Variants in PDE1C observed in about 807,000 individuals in gnomAD.
PDE1C encodes dual specificity calcium/calmodulin-dependent 3',5'-cyclic nucleotide phosphodiesterase 1C.
In PDE1C, 62 loss-of-function variants were observed where a neutral mutation model predicts 93.1. The ratio of observed to expected loss-of-function variants is 0.67; its 90% confidence interval spans 0.54 to 0.82. The LOEUF is 0.82. Among genes scored for constraint, PDE1C ranks in the 40% least tolerant of loss-of-function variants. The pLI is 0.00. For synonymous variants in PDE1C, 325 were observed against 310.1 expected (o/e 1.05, Z -0.50); for missense variants, 742 against 884.6 (o/e 0.84, Z 2.04).
chr7:31,958,863 C>T (rs912959638), intron 2 of PDE1C, among the ~76,000 whole-genome samples: 1 of 152,182 alleles, frequency 6.6e-6, no homozygotes, highest in Non-Finnish European at 1.5e-5. Flanking sequence ...GAAGTGTATA[C>T]TATACAGATA....
intron 1 of PDE1C, among the ~76,000 whole-genome samples, chr7:32,307,636 G>C (rs943870859): frequency 6.6e-6 from 1 of 152,132 alleles, no homozygotes; most frequent in African/African-American, 2.4e-5. Flanking sequence ...CTGAGGTCAT[G>C]ATCTGTCGCC....
intron 16 of PDE1C, among the ~76,000 whole-genome samples, chr7:31,775,939 T>A (rs1584023927): frequency 6.6e-6 from 1 of 152,138 alleles, no homozygotes; most frequent in African/African-American, 2.4e-5. Flanking sequence ...CAGTACGCAG[T>A]TCCTCTGGCT....
chr7:31,867,341 C>T (rs1474661573), intron 6 of PDE1C, among the ~76,000 whole-genome samples: 1 of 152,150 alleles, frequency 6.6e-6, no homozygotes, highest in African/African-American at 2.4e-5. Context: ...ACAATACCCT[C>T]CACAGTAGCA....
intron 1 of PDE1C, among the ~76,000 whole-genome samples, chr7:32,310,008 G>C (rs187600770): frequency 0.02 from 3,094 of 152,228 alleles, 70 homozygotes; most frequent in African/African-American, 0.051. Flanking sequence ...GGAAACCCAT[G>C]TCATGTGCAG....
In PDE1C at chr7:32,239,980, C is replaced by T. The variant is rs540753798; in HGVS notation, c.86-30441G>A. On this transcript the variant is annotated intron_variant, in intron 1 of 18. Transcript: ENST00000396193. ...TTTGTCACAATCTCTCAGTGACTGA[C>T]AACAATGCTGTCAGCCTGGATCCTG... Among the ~76,000 whole-genome samples, 6 of 152,336 alleles carry T rather than the reference C, an allele frequency of 3.9e-5. No individual in the cohort carries two copies. The South Asian group carries it at 1.2e-3, about 32-fold the overall frequency.
intron 3 of PDE1C, among the ~76,000 whole-genome samples, chr7:32,116,842 T>A (rs1375607598): frequency 1.3e-5 from 2 of 152,196 alleles, no homozygotes; most frequent in Non-Finnish European, 2.9e-5. Flanking sequence ...TCCCTTATAA[T>A]CACATGGTCA....
intron 3 of PDE1C, among the ~76,000 whole-genome samples, chr7:32,098,630 T>C (rs2128749099): frequency 6.6e-6 from 1 of 152,362 alleles, no homozygotes; most frequent in African/African-American, 2.4e-5. Context: ...TTACTCTTTT[T>C]ACTTTATTAC....
intron 3 of PDE1C, among the ~76,000 whole-genome samples, chr7:32,125,703 C>T (rs563059417): frequency 6.6e-6 from 1 of 151,966 alleles, no homozygotes; most frequent in South Asian, 2.1e-4. Flanking sequence ...GAACAACACA[C>T]ATCAGGGCCT....
At chr7:32,076,270 G>T (rs1235632837), upstream of PDE1C, among the ~76,000 whole-genome samples, 2 of 152,084 alleles carry the variant, frequency 1.3e-5, no homozygotes, top group African/African-American at 2.4e-5. Context: ...TCTTTTCTTT[G>T]AGAAACAAGC....
chr7:31,778,268 A>G (rs1486353395), intron 16 of PDE1C, among the ~76,000 whole-genome samples: 1 of 152,136 alleles, frequency 6.6e-6, no homozygotes, highest in African/African-American at 2.4e-5. Context: ...TGCAACAAAT[A>G]GGCCCCATTA....
At chr7:32,214,206 G>A (rs1214682944) in intron 1 of PDE1C, among the ~76,000 whole-genome samples, 1 of 150,064 alleles carries the variant, frequency 6.7e-6, no homozygotes, top group Non-Finnish European at 1.5e-5. Context: ...AAGTATATAT[G>A]TAAAAAACAT....
intron 17 of PDE1C, among the ~76,000 whole-genome samples, chr7:31,768,151 T>C (rs948224689): frequency 4.6e-5 from 7 of 152,342 alleles, no homozygotes; most frequent in Middle Eastern, 3.4e-3. Context: ...GTCCTAAGAC[T>C]AACCTTTGCC....
At chr7:32,209,469 G>A in intron 2 of PDE1C, 1 of 1,563,944 alleles carries the variant, frequency 6.4e-7, no homozygotes, top group African/African-American at 1.4e-5. Context: ...CAGGAAAGGA[G>A]TGAAACAAGA....
chr7:32,339,939 T>A (rs1408970952), intron 1 of PDE1C, among the ~76,000 whole-genome samples: 1 of 152,180 alleles, frequency 6.6e-6, no homozygotes, highest in Non-Finnish European at 1.5e-5. Flanking sequence ...TCTACAGCAC[T>A]GGGAAGCTGC....
chr7:31,997,840 T>C (rs1205889927), intron 2 of PDE1C, among the ~76,000 whole-genome samples: 1 of 152,068 alleles, frequency 6.6e-6, no homozygotes, highest in East Asian at 1.9e-4. Context: ...TCTCAAATGC[T>C]TAGACAACGA....
At chr7:32,102,337 G>A (rs2128750752) in intron 3 of PDE1C, among the ~76,000 whole-genome samples, 1 of 152,248 alleles carries the variant, frequency 6.6e-6, no homozygotes, top group East Asian at 1.9e-4. Flanking sequence ...ATCATCCAGA[G>A]TGATATACTG....
At chr7:32,308,802 A>C (rs1377024628) in intron 1 of PDE1C, among the ~76,000 whole-genome samples, 2 of 152,100 alleles carry the variant, frequency 1.3e-5, no homozygotes, top group Non-Finnish European at 2.9e-5. Flanking sequence ...ATGGGGAAAA[A>C]ACAGAGCAGA....
the PDE1C span, among the ~76,000 whole-genome samples, chr7:31,685,148 G>A: frequency 6.6e-6 from 1 of 150,554 alleles, no homozygotes; most frequent in Non-Finnish European, 1.5e-5. Flanking sequence ...AAACCCAAAA[G>A]GCTACCTACT....
intron 16 of PDE1C, among the ~76,000 whole-genome samples, chr7:31,796,548 C>T (rs1584129707): frequency 6.6e-6 from 1 of 151,840 alleles, no homozygotes; most frequent in East Asian, 1.9e-4. Context: ...GCTAACTGTT[C>T]TGATTCACTA....
Sources: gnomAD v4.1 joint callset for allele counts (sites outside exome capture counted in the v4.1 genomes callset) on GRCh38, gnomAD v4.1.1 for gene constraint, MANE v1.5 for transcripts, NCBI Gene and HGNC (gene_info 2026-07-23, HGNC 2026-07-21) for gene names.